B3GLCT: variants seen among roughly 807,000 people sequenced by gnomAD.
B3GLCT encodes the protein beta 3-glucosyltransferase.
A neutral mutation model predicts 63.4 loss-of-function variants in B3GLCT; 65 were observed. The observed-to-expected ratio is 1.03, with a 90% CI of 0.84 to 1.26. B3GLCT has a LOEUF of 1.26. Ranked by LOEUF, B3GLCT falls within the 50% of genes most tolerant of loss-of-function variation. The pLI is 0.00. For synonymous variants in B3GLCT, 233 were observed against 219.2 expected (o/e 1.06, Z -0.55); for missense variants, 577 against 604.8 (o/e 0.95, Z 0.48).
chr13:31,227,790 A>G (rs1008037311), intron 3 of B3GLCT, among the ~76,000 whole-genome samples: 1 of 152,216 alleles, frequency 6.6e-6, no homozygotes, highest in Non-Finnish European at 1.5e-5. Flanking sequence ...ATTAAAATCA[A>G]ATTAGGTTCT....
intron 12 of B3GLCT, among the ~76,000 whole-genome samples, chr13:31,316,407 T>TATATATATATATA (rs1555255282): frequency 7.3e-5 from 3 of 40,870 alleles, no homozygotes; most frequent in South Asian, 2.4e-3. Flanking sequence ...TTTGGAGGTT[T>TATATATATATATA]TATATATATA....
Position 31,260,932 on chromosome 13 carries a change from T to C in B3GLCT, c.460-14T>C, listed in dbSNP as rs1376525718. The C allele has an allele frequency of 6.2e-7, 1 of 1,611,008 alleles. No homozygotes were observed. The highest frequency in any genetic ancestry group is 8.5e-7 in the Non-Finnish European group (1 of 1,177,232). ...ATTGTTTTTAAAGTGACATGTTATA[T>C]CTTTATTTAACAGGAATGGTTTTTG... On this transcript the variant is annotated splice_polypyrimidine_tract_variant and intron_variant, in intron 6 of 14. Coordinates refer to ENST00000343307, the MANE Select transcript of B3GLCT (RefSeq NM_194318.4).
At chr13:31,238,192 G>A (rs1349389323) in intron 4 of B3GLCT, among the ~76,000 whole-genome samples, 1 of 152,176 alleles carries the variant, frequency 6.6e-6, no homozygotes, top group African/African-American at 2.4e-5. Flanking sequence ...CATTACCTAT[G>A]CCTGTTTTGC....
At chr13:31,276,592 G>A (rs1014164853) in intron 9 of B3GLCT, 110 bp from the exon 10 acceptor site, 14 of 742,256 alleles carry the variant, frequency 1.9e-5, no homozygotes, top group South Asian at 8.8e-5. Context: ...AAATATGTTT[G>A]GTATCCTTGA....
At chr13:31,208,340 C>T (rs933707401) in intron 1 of B3GLCT, among the ~76,000 whole-genome samples, 1 of 152,146 alleles carries the variant, frequency 6.6e-6, no homozygotes, top group South Asian at 2.1e-4. Context: ...TTCCCCTGAG[C>T]CGTCCTTGGC....
At chr13:31,200,400 G>T (rs1868585774) in intron 1 of B3GLCT, among the ~76,000 whole-genome samples, 1 of 149,878 alleles carries the variant, frequency 6.7e-6, no homozygotes, top group Non-Finnish European at 1.5e-5. Flanking sequence ...TTGGGTCCCC[G>T]CTGCCGCCCC....
Position 31,323,736 on chromosome 13 carries a change from T to C in B3GLCT, c.1185-15T>C, listed in dbSNP as rs1005959700. 9.9e-6 allele frequency: 16 copies of C among 1,613,932 alleles called. No individual in the cohort carries two copies. The highest frequency in any genetic ancestry group is 2.7e-5 in the African/African-American group (2 of 74,916). ...GAGCTTCTCTAACCCCTTTCTCTGC[T>C]CTGGCTCCCACTAGAATGGTCTTCA... is the stretch of plus-strand genomic sequence containing the variant. On this transcript the variant is annotated splice_polypyrimidine_tract_variant and intron_variant, in intron 13 of 14. Coordinates refer to ENST00000343307, the MANE Select transcript of B3GLCT (RefSeq NM_194318.4).
At chr13:31,244,235 T>C (rs1354348607) in intron 4 of B3GLCT, among the ~76,000 whole-genome samples, 4 of 152,236 alleles carry the variant, frequency 2.6e-5, no homozygotes, top group Admixed American at 6.5e-5. Flanking sequence ...CTCATGCCTG[T>C]AATCCCAGCA....
At chr13:31,234,180 G>A (rs1870525637) in intron 4 of B3GLCT, among the ~76,000 whole-genome samples, 1 of 151,978 alleles carries the variant, frequency 6.6e-6, no homozygotes, top group Non-Finnish European at 1.5e-5. Context: ...ACCACACCTG[G>A]CTAATTTTTT....
intron 12 of B3GLCT, among the ~76,000 whole-genome samples, chr13:31,288,239 T>C (rs1277749095): frequency 6.6e-6 from 1 of 152,108 alleles, no homozygotes; most frequent in Non-Finnish European, 1.5e-5. Context: ...AGCTGTGGAA[T>C]TGAGGACTAG....
chr13:31,302,061 C>T (rs1167029701), intron 12 of B3GLCT, among the ~76,000 whole-genome samples: 2 of 152,156 alleles, frequency 1.3e-5, no homozygotes, highest in Admixed American at 1.3e-4. Context: ...CAGGATGAGT[C>T]CTTTGACTCT....
At chr13:31,246,340 CTCTT>C (rs1283831724) in intron 4 of B3GLCT, among the ~76,000 whole-genome samples, 1 of 152,148 alleles carries the variant, frequency 6.6e-6, no homozygotes, top group Admixed American at 6.5e-5. Flanking sequence ...ATATTAATCT[CTCTT>C]TATATATGTA....
Position 31,330,697 on chromosome 13 carries a change from A to G in B3GLCT, c.*1029A>G, listed in dbSNP as rs777461459. ...TTGAAACAGCTCTAGTTTTCAAATT[A>G]TATCTTTAATATATAGTAATGTAAC... is the stretch of plus-strand genomic sequence containing the variant. On this transcript the variant is annotated 3_prime_UTR_variant, in exon 15 of 15. Transcript: ENST00000343307. 6 of 152,218 alleles carry G rather than the reference A, an allele frequency of 3.9e-5. No individual in the cohort carries two copies. Among genetic ancestry groups the G allele is most frequent in the South Asian group, 2.1e-4 (1 of 4,818 alleles). 9.4% of individuals were successfully genotyped at this position (152,218 alleles called of 1,614,324 possible).
At chr13:31,297,778 T>A (rs1874031038) in intron 12 of B3GLCT, among the ~76,000 whole-genome samples, 1 of 152,148 alleles carries the variant, frequency 6.6e-6, no homozygotes, top group Admixed American at 6.5e-5. Flanking sequence ...TACAACCTCC[T>A]CTGTGGGTTT....
chr13:31,199,991 C>CGGCGGCAG lies in B3GLCT; in HGVS notation c.-87_-80dup, dbSNP rs1868538679. 1.4e-6 allele frequency: 1 copy of CGGCGGCAG among 726,378 alleles called. No homozygotes were observed. The highest frequency in any genetic ancestry group is 1.8e-6 in the Non-Finnish European group (1 of 548,220). The allele number at this position is 726,378 out of a possible 1,614,324, so 45.0% of individuals were successfully genotyped here. A position where few individuals can be genotyped will look rare whatever the true frequency, so the allele number is the denominator to read the frequency against. On this transcript the variant is annotated 5_prime_UTR_variant, in exon 1 of 15. Transcript: ENST00000343307. Reference sequence around the variant, plus strand: ...GGAGCCGGCAGAGAAGGGTCAGCCGCGGCGGCAGGGCGGCGGCGGCAGCGG... The same window carrying CGGCGGCAG: ...GGAGCCGGCAGAGAAGGGTCAGCCGCGGCGGCAGGGCGGCAGGGCGGCGGCGGCAGCGG...
chr13:31,290,267 G>T (rs1474405733), intron 12 of B3GLCT, among the ~76,000 whole-genome samples: 1 of 152,154 alleles, frequency 6.6e-6, no homozygotes, highest in Non-Finnish European at 1.5e-5. Flanking sequence ...GTCTGTCACC[G>T]ATGGGCATTT....
chr13:31,332,261 T>C lies in B3GLCT; in HGVS notation c.*2593T>C, dbSNP rs763646500. 1 of 152,190 alleles carries C rather than the reference T, an allele frequency of 6.6e-6. No homozygotes were observed. 9.4% of individuals were successfully genotyped at this position (152,190 alleles called of 1,614,324 possible). A position where few individuals can be genotyped will look rare whatever the true frequency, so the allele number is the denominator to read the frequency against. On this transcript the variant is annotated 3_prime_UTR_variant, in exon 15 of 15. Transcript: ENST00000343307. ...ATTTGTATGGACTAAATAAAAACTT[T>C]ATTATGTAATGAAAAGTTGAACACT...
chr13:31,324,653 A>C (rs192231044), intron 14 of B3GLCT, among the ~76,000 whole-genome samples: 76 of 152,344 alleles, frequency 5.0e-4, no homozygotes, highest in African/African-American at 1.7e-3. Flanking sequence ...TGAAACTTGA[A>C]GTGTGTATGC....
chr13:31,252,503 A>G (rs1566063650), intron 6 of B3GLCT, among the ~76,000 whole-genome samples: 2 of 151,984 alleles, frequency 1.3e-5, no homozygotes, highest in African/African-American at 4.8e-5. Context: ...ACATAGGCTC[A>G]AAAAGGGATG....
Sources: allele counts gnomAD v4.1 joint callset (sites outside exome capture counted in the v4.1 genomes callset), GRCh38; gene constraint gnomAD v4.1.1; transcripts MANE v1.5; gene names NCBI Gene and HGNC (gene_info 2026-07-23, HGNC 2026-07-21).